Variants in KMO observed in about 807,000 individuals in gnomAD.
KMO encodes kynurenine 3-hydroxylase.
Under a neutral mutation model 57.8 loss-of-function variants are expected in KMO, and 24 were observed. The observed-to-expected ratio is 0.42, with a 90% CI of 0.30 to 0.58. The LOEUF (loss-of-function observed/expected upper bound fraction) is 0.58. Among genes scored for constraint, KMO ranks in the 20% least tolerant of loss-of-function variants. The probability of loss-of-function intolerance (pLI) is 0.22; values close to 1 mark genes in which losing one functional copy is unlikely to be tolerated. For synonymous variants in KMO, 210 were observed against 193.6 expected (o/e 1.08, Z -0.70); for missense variants, 483 against 588.2 (o/e 0.82, Z 1.85).
Position 241,593,414 on chromosome 1 carries a change from A to G in KMO, c.*1261A>G. The stretch of plus-strand genomic sequence containing the variant: ...CAAACATGATTAATTATGAAGATGA[A>G]ACACTAGAGTCATATAAGAAATAAA... On this transcript the variant is annotated 3_prime_UTR_variant, in exon 15 of 15. Transcript: ENST00000366559. 2.4e-6 allele frequency: 1 copy of G among 422,020 alleles called. No individual in the cohort carries two copies. Among genetic ancestry groups the G allele is most frequent in the South Asian group, 1.7e-5 (1 of 58,394 alleles). 26.1% of individuals were successfully genotyped at this position (422,020 alleles called of 1,614,324 possible).
intron 5 of KMO, among the ~76,000 whole-genome samples, chr1:241,559,458 T>C (rs76173970): frequency 2.7e-5 from 4 of 148,408 alleles, no homozygotes; most frequent in Non-Finnish European, 4.5e-5. Flanking sequence ...TTTTTAAAAG[T>C]TTTTTTCACA....
chr1:241,576,181 G>A (rs892356615), intron 10 of KMO, among the ~76,000 whole-genome samples: 1 of 151,982 alleles, frequency 6.6e-6, no homozygotes, highest in African/African-American at 2.4e-5. Context: ...CTTGAAGACA[G>A]CAGACACTTG....
chr1:241,538,296 C>T (rs902521404), intron 1 of KMO, among the ~76,000 whole-genome samples: 1 of 152,176 alleles, frequency 6.6e-6, no homozygotes, highest in Non-Finnish European at 1.5e-5. Context: ...TATCTGCTTT[C>T]TCATTCTCCT....
chr1:241,533,876 A>T (rs1475377950), intron 1 of KMO, among the ~76,000 whole-genome samples: 1 of 152,228 alleles, frequency 6.6e-6, no homozygotes, highest in African/African-American at 2.4e-5. Flanking sequence ...GACCTGAATG[A>T]TCAGATAGAA....
rs1663443382 is a variant in KMO at position 241,594,666 on chromosome 1, A to G, written c.*2513A>G. The G allele has an allele frequency of 6.2e-7, 1 of 1,613,852 alleles. No individual in the cohort carries two copies. Among genetic ancestry groups the G allele is most frequent in the Non-Finnish European group, 8.5e-7 (1 of 1,179,934 alleles). ...CTGGCACCTCAGCAGTCGGAGGCAC[A>G]GAAGCTGCAAAAGGGATCTTCGAAA... is the stretch of plus-strand genomic sequence containing the variant. On this transcript the variant is annotated 3_prime_UTR_variant, in exon 15 of 15. Coordinates refer to ENST00000366559, the MANE Select transcript of KMO (RefSeq NM_003679.5).
At position 241,592,230 on chromosome 1, in the gene KMO, A is replaced by G. The variant is rs1432653715; in HGVS notation, c.*77A>G. 1.9e-6 allele frequency: 2 copies of G among 1,052,066 alleles called. No individual in the cohort carries two copies. Among genetic ancestry groups the G allele is most frequent in the East Asian group, 5.0e-5 (2 of 39,652 alleles). The allele number at this position is 1,052,066 out of a possible 1,614,324, so 65.2% of individuals were successfully genotyped here. On this transcript the variant is annotated 3_prime_UTR_variant, in exon 15 of 15. Transcript: ENST00000366559. ...GCATGAAAAAAATGTTTCCATTGCC[A>G]TATTTGATTCACTAGTGGAAGATAG...
At chr1:241,540,275 T>C (rs1360640698) in intron 1 of KMO, among the ~76,000 whole-genome samples, 1 of 152,194 alleles carries the variant, frequency 6.6e-6, no homozygotes, top group Non-Finnish European at 1.5e-5. Flanking sequence ...GCAAATATTA[T>C]TCCTCTCTGG....
intron 10 of KMO, among the ~76,000 whole-genome samples, chr1:241,569,745 A>G (rs955075941): frequency 2.6e-5 from 4 of 152,072 alleles, no homozygotes; most frequent in African/African-American, 9.7e-5. Context: ...GCTGTTTTCC[A>G]TAGTGGTTGT....
intron 1 of KMO, chr1:241,536,500 G>T: frequency 1.0e-6 from 1 of 985,626 alleles, no homozygotes; most frequent in Non-Finnish European, 1.2e-6. Context: ...GAGCAAAAAG[G>T]CACCATTTCA....
intron 1 of KMO, among the ~76,000 whole-genome samples, chr1:241,532,766 A>G (rs912721415): frequency 2.6e-5 from 4 of 152,104 alleles, no homozygotes; most frequent in Non-Finnish European, 5.9e-5. Context: ...TTGGTTTAGG[A>G]TTTGTTAAAA....
Position 241,566,599 on chromosome 1 carries a change from C to A in KMO, c.796C>A (p.Pro266Thr). The A allele has an allele frequency of 6.2e-7, 1 of 1,613,646 alleles. No individual in the cohort carries two copies. The highest frequency in any genetic ancestry group is 8.5e-7 in the Non-Finnish European group (1 of 1,179,734). The change falls in exon 9 of 15, where the codon CCT becomes ACT. Residue 266 changes from proline to threonine, a missense_variant. Physicochemically the swap from Pro to Thr is conservative, Grantham distance 38. Around this residue, in one of 3 missense-constraint regions of KMO, gnomAD observed 410 missense variants for 492.3 expected, o/e 0.83. Transcript: ENST00000366559. Reference protein sequence around the residue: ...FFQKYFPDAIPLIGEKLLVQD... With the variant: ...FFQKYFPDAITLIGEKLLVQD... ...CCAGAAATACTTTCCGGATGCCATC[C>A]CTCTAATTGGAGAGTAAGTTGCAAG...
intron 10 of KMO, among the ~76,000 whole-genome samples, chr1:241,583,655 C>A (rs867315493): frequency 1.3e-5 from 2 of 152,158 alleles, no homozygotes; most frequent in African/African-American, 4.8e-5. Flanking sequence ...ATACCTAATA[C>A]AATATAAATG....
At chr1:241,562,367 A>G (rs771486297) in intron 7 of KMO, 35 bp downstream of exon 7, 2 of 1,606,404 alleles carry the variant, frequency 1.2e-6, no homozygotes, top group South Asian at 2.2e-5. Context: ...CCTTCCCACA[A>G]CCCTTGCTCC....
chr1:241,548,790 T>C, intron 1 of KMO, 39 bp from the exon 2 acceptor site: 1 of 1,277,728 alleles, frequency 7.8e-7, no homozygotes, highest in Non-Finnish European at 1.1e-6. Context: ...CCTATATTTG[T>C]GGAATCAGAT....
Position 241,592,308 on chromosome 1 carries a change from A to G in KMO, c.*155A>G. 1 of 632,176 alleles carries G rather than the reference A, an allele frequency of 1.6e-6. No homozygotes were observed. Among genetic ancestry groups the G allele is most frequent in the Non-Finnish European group, 2.8e-6 (1 of 362,324 alleles). 39.2% of individuals were successfully genotyped at this position (632,176 alleles called of 1,614,324 possible). ...AGAGTATCTCTGTATGTTAATTGCA[A>G]TTACTGGTTGGGGGGTGCATTTTAA... On this transcript the variant is annotated 3_prime_UTR_variant, in exon 15 of 15. Transcript: ENST00000366559.
chr1:241,562,799 A>G (rs888806048), intron 7 of KMO, among the ~76,000 whole-genome samples: 1 of 151,948 alleles, frequency 6.6e-6, no homozygotes, highest in Non-Finnish European at 1.5e-5. Flanking sequence ...AGATCATGCC[A>G]ATGCACTCTA....
At chr1:241,588,329 C>CTTTTTTTTTTTTTTTTTTTTT in intron 11 of KMO, among the ~76,000 whole-genome samples, 1 of 98,390 alleles carries the variant, frequency 1.0e-5, no homozygotes, top group Non-Finnish European at 1.9e-5. Context: ...TCTTTTTTTT[C>CTTTTTTTTTTTTTTTTTTTTT]TTTTTTTTTT....
chr1:241,549,035 C>CA lies in KMO; in HGVS notation c.124+143dup, dbSNP rs747814370. 616 of 565,684 alleles carry CA rather than the reference C, an allele frequency of 1.1e-3. 2 individuals are homozygous for CA. The highest frequency in any genetic ancestry group is 1.1e-3 in the Admixed American group (38 of 34,420). 35.0% of individuals were successfully genotyped at this position (565,684 alleles called of 1,614,324 possible). A position where few individuals can be genotyped will look rare whatever the true frequency, so the allele number is the denominator to read the frequency against. On this transcript the variant is annotated intron_variant, in intron 2 of 14. Transcript: ENST00000366559. ...GCAACATGGCAAAACCCCATCTCTACAAAAAATACAAAAATTAGCCTGGTG... is the reference window on the plus strand; with the variant it reads ...GCAACATGGCAAAACCCCATCTCTACAAAAAAATACAAAAATTAGCCTGGTG...
At chr1:241,562,408 G>A (rs1400222105) in intron 7 of KMO, 76 bp downstream of exon 7, 4 of 1,405,586 alleles carry the variant, frequency 2.8e-6, no homozygotes, top group African/African-American at 1.4e-5. Context: ...TAGTGCAGTG[G>A]TTCTCAGCAG....
Sources: gnomAD v4.1 joint callset for allele counts (sites outside exome capture counted in the v4.1 genomes callset) on GRCh38, gnomAD v4.1.1 for gene constraint, gnomAD v4.1.1 regional missense constraint, MANE v1.5 for transcripts, NCBI Gene and HGNC (gene_info 2026-07-23, HGNC 2026-07-21) for gene names.